TCF7L2: variants seen among roughly 807,000 people sequenced by gnomAD.
TCF7L2 encodes the protein transcription factor 7-like 2.
Under a neutral mutation model 77.9 loss-of-function variants are expected in TCF7L2, and 23 were observed. The ratio of observed to expected loss-of-function variants is 0.30; its 90% CI spans 0.21 to 0.42. The LOEUF is 0.42. Among genes scored for constraint, TCF7L2 ranks in the 10% least tolerant of loss-of-function variants. TCF7L2 has a pLI of 1.00. For missense variants in TCF7L2, 654 were observed against 793.1 expected (o/e 0.82, Z 2.11); for synonymous variants, 413 against 340.2 (o/e 1.21, Z -2.36).
At chr10:113,077,523 G>A (rs759137041) in intron 5 of TCF7L2, among the ~76,000 whole-genome samples, 12 of 151,848 alleles carry the variant, frequency 7.9e-5, no homozygotes, top group Non-Finnish European at 2.9e-5. Context: ...CCATGCCCAA[G>A]GCAACTGTCA....
intron 5 of TCF7L2, among the ~76,000 whole-genome samples, chr10:113,105,617 C>T (rs1273465791): frequency 6.6e-6 from 1 of 152,164 alleles, no homozygotes; most frequent in Admixed American, 6.5e-5. Flanking sequence ...GTGCCCCGCA[C>T]CTCACCTGTC....
At chr10:113,063,078 A>C (rs1159455803) in intron 5 of TCF7L2, among the ~76,000 whole-genome samples, 1 of 152,094 alleles carries the variant, frequency 6.6e-6, no homozygotes, top group African/African-American at 2.4e-5. Context: ...CTTTTACTGG[A>C]GTGCTTGCAA....
At chr10:113,056,955 C>T (rs933257585) in intron 5 of TCF7L2, among the ~76,000 whole-genome samples, 4 of 152,286 alleles carry the variant, frequency 2.6e-5, no homozygotes, top group Admixed American at 1.3e-4. Context: ...TTCCAGGAAG[C>T]GTGCAGAAAT....
At chr10:112,953,576 A>G (rs2032642372) in intron 3 of TCF7L2, among the ~76,000 whole-genome samples, 1 of 152,076 alleles carries the variant, frequency 6.6e-6, no homozygotes, top group Admixed American at 6.5e-5. Context: ...CCACTTAACC[A>G]TCTGAATATT....
chr10:113,126,946 GC>G (rs1350853093), intron 5 of TCF7L2: 21 of 983,734 alleles, frequency 2.1e-5, no homozygotes, highest in Non-Finnish European at 2.4e-5. Context: ...TGCATCCCGC[GC>G]GCCTGCCCTG....
intron 4 of TCF7L2, among the ~76,000 whole-genome samples, chr10:113,006,687 A>G (rs898256169): frequency 2.0e-5 from 3 of 152,230 alleles, no homozygotes; most frequent in Non-Finnish European, 4.4e-5. Context: ...TCATATGCAT[A>G]GGATCATCAT....
chr10:113,044,420 T>A (rs998223640), intron 5 of TCF7L2, among the ~76,000 whole-genome samples: 1 of 152,176 alleles, frequency 6.6e-6, no homozygotes, highest in Non-Finnish European at 1.5e-5. Context: ...CCCTCTTGGT[T>A]ATTAAACACA....
At chr10:113,045,982 A>G (rs966317534) in intron 5 of TCF7L2, among the ~76,000 whole-genome samples, 3 of 152,200 alleles carry the variant, frequency 2.0e-5, no homozygotes, top group African/African-American at 7.2e-5. Context: ...AATAGGAAGA[A>G]CCAGGCAATC....
At position 113,015,792 on chromosome 10, in the gene TCF7L2, A is replaced by G. The variant is rs141241414; in HGVS notation, c.451-24233A>G. On this transcript the variant is annotated intron_variant, in intron 4 of 13. Coordinates refer to ENST00000627217, the MANE Select transcript of TCF7L2 (RefSeq NM_001146274.2). ...GCGTGAGCCACTGTGCCTGTGCTCA[A>G]TTGATTTTCTTTATTAAAGAAACAT... is the stretch of plus-strand genomic sequence containing the variant. Among the ~76,000 whole-genome samples the G allele has an allele frequency of 9.5e-3, 1,446 of 152,288 alleles. 9 individuals are homozygous for G. Among genetic ancestry groups the G allele is most frequent in the Non-Finnish European group, 0.015 (1,026 of 68,020 alleles).
At chr10:113,025,880 ATTT>A (rs369613114) in intron 4 of TCF7L2, among the ~76,000 whole-genome samples, 1 of 143,542 alleles carries the variant, frequency 7.0e-6, no homozygotes, top group African/African-American at 2.6e-5. Flanking sequence ...TTTTAAGTTA[ATTT>A]TTTTTTTTTT....
At chr10:112,965,661 G>A (rs979181048) in intron 4 of TCF7L2, among the ~76,000 whole-genome samples, 1 of 151,090 alleles carries the variant, frequency 6.6e-6, no homozygotes, top group African/African-American at 2.4e-5. Context: ...GTGTGTGTGT[G>A]TGTGTGTGTG....
intron 4 of TCF7L2, among the ~76,000 whole-genome samples, chr10:113,028,771 G>A (rs1318646889): frequency 1.3e-5 from 2 of 152,190 alleles, no homozygotes; most frequent in South Asian, 2.1e-4. Flanking sequence ...AGCCTTGAGA[G>A]CTCCCAGCCA....
At chr10:113,033,157 C>T (rs2050540062) in intron 4 of TCF7L2, among the ~76,000 whole-genome samples, 1 of 149,940 alleles carries the variant, frequency 6.7e-6, no homozygotes, top group African/African-American at 2.4e-5. Context: ...CTTTTCTTTT[C>T]TTTTTTTCTT....
chr10:113,137,886 A>C (rs1029799797), intron 5 of TCF7L2, among the ~76,000 whole-genome samples: 1 of 152,224 alleles, frequency 6.6e-6, no homozygotes. Flanking sequence ...TGGGACCAAG[A>C]AGGGTGCACA....
At chr10:113,156,410 G>T (rs1253636495) in intron 11 of TCF7L2, among the ~76,000 whole-genome samples, 1 of 152,194 alleles carries the variant, frequency 6.6e-6, no homozygotes, top group Non-Finnish European at 1.5e-5. Flanking sequence ...CACCGCACCT[G>T]GACCTCAAGT....
chr10:113,130,052 G>T, intron 5 of TCF7L2: 1 of 1,122,532 alleles, frequency 8.9e-7, no homozygotes, highest in Non-Finnish European at 1.1e-6. Context: ...CATGCTTATG[G>T]TATTGACCAT....
intron 4 of TCF7L2, among the ~76,000 whole-genome samples, chr10:112,982,333 A>T (rs1346981618): frequency 6.6e-6 from 1 of 152,084 alleles, no homozygotes; most frequent in Admixed American, 6.5e-5. Flanking sequence ...TACTGAGAAG[A>T]CTGGCCTATC....
chr10:113,144,092 G>A (rs1564956786), intron 7 of TCF7L2, 67 bp downstream of exon 7: 7 of 909,808 alleles, frequency 7.7e-6, no homozygotes, highest in South Asian at 6.2e-5. Context: ...TTTATTCTGT[G>A]TGTGTGTCTG....
intron 4 of TCF7L2, among the ~76,000 whole-genome samples, chr10:112,972,646 T>A (rs2038530125): frequency 6.6e-6 from 1 of 152,140 alleles, no homozygotes; most frequent in African/African-American, 2.4e-5. Flanking sequence ...AATTTTTGCA[T>A]TTTTAGTGGA....
Sources: gnomAD v4.1 joint callset for allele counts (sites outside exome capture counted in the v4.1 genomes callset) on GRCh38, gnomAD v4.1.1 for gene constraint, MANE v1.5 for transcripts, NCBI Gene and HGNC (gene_info 2026-07-23, HGNC 2026-07-21) for gene names.